MEGF6: variants seen among roughly 807,000 people sequenced by gnomAD.
MEGF6 encodes multiple epidermal growth factor-like domains protein 6.
Under a neutral mutation model 207.1 loss-of-function variants are expected in MEGF6, and 184 were observed. The ratio of observed to expected loss-of-function variants is 0.89; its 90% confidence interval spans 0.79 to 1.00. The LOEUF is 1.00. MEGF6 is among the 50% of genes least tolerant of loss of function. The probability of loss-of-function intolerance (pLI) is 0.00; values close to 1 mark genes in which losing one functional copy is unlikely to be tolerated. For missense variants in MEGF6, 2,282 were observed against 2,202.9 expected, an observed-to-expected ratio of 1.04 and a Z score of -0.72; for synonymous variants, 1,038 against 910.0, an observed-to-expected ratio of 1.14 and a Z score of -2.53.
chr1:3,529,402 C>A (rs1392147649), intron 4 of MEGF6, among the ~76,000 whole-genome samples: 1 of 152,226 alleles, frequency 6.6e-6, no homozygotes, highest in Non-Finnish European at 1.5e-5. Context: ...CCAGGCCAAG[C>A]CCCACACGGG....
At chr1:3,598,313 G>A (rs1305731197) in intron 2 of MEGF6, among the ~76,000 whole-genome samples, 2 of 152,216 alleles carry the variant, frequency 1.3e-5, no homozygotes, top group Non-Finnish European at 1.5e-5. Flanking sequence ...GCCAGTGGCC[G>A]GCCGGCGGGC....
intron 23 of MEGF6, 151 bp from the exon 24 acceptor site, chr1:3,499,417 G>A (rs1442634088): frequency 1.4e-6 from 2 of 1,406,448 alleles, no homozygotes; most frequent in East Asian, 2.5e-5. Context: ...CCACTCAGCA[G>A]AGTGGCCACA....
At chr1:3,590,527 A>G (rs574731853) in intron 3 of MEGF6, among the ~76,000 whole-genome samples, 6 of 152,216 alleles carry the variant, frequency 3.9e-5, no homozygotes, top group Non-Finnish European at 8.8e-5. Context: ...AGTGGCTCTC[A>G]GGGAAATCAT....
chr1:3,513,218 T>C (rs947813336), intron 7 of MEGF6, among the ~76,000 whole-genome samples: 2 of 152,102 alleles, frequency 1.3e-5, no homozygotes, highest in Non-Finnish European at 2.9e-5. Flanking sequence ...TATTTATTTA[T>C]TTATTTATTT....
intron 36 of MEGF6, 92 bp downstream of exon 36, chr1:3,490,820 T>G: frequency 6.8e-7 from 1 of 1,468,642 alleles, no homozygotes; most frequent in Non-Finnish European, 9.3e-7. Context: ...GCTGCTGCCC[T>G]GTGGGGCCCA....
intron 34 of MEGF6, 191 bp from the exon 35 acceptor site, chr1:3,492,958 A>G: frequency 8.7e-6 from 6 of 689,864 alleles, no homozygotes; most frequent in Non-Finnish European, 1.2e-5. Context: ...TGCCTTCCTC[A>G]GCTACATTCT....
At chr1:3,586,445 G>A (rs1249280114) in intron 3 of MEGF6, among the ~76,000 whole-genome samples, 1 of 152,194 alleles carries the variant, frequency 6.6e-6, no homozygotes, top group African/African-American at 2.4e-5. Flanking sequence ...CTGGTGGGCG[G>A]CGGGTGCAGA....
At chr1:3,506,792 A>ACTAG (rs1173057367) in intron 14 of MEGF6, among the ~76,000 whole-genome samples, 1 of 151,998 alleles carries the variant, frequency 6.6e-6, no homozygotes, top group East Asian at 1.9e-4. Flanking sequence ...GGACCTGGAG[A>ACTAG]CTAGGCACAG....
At chr1:3,496,287 A>T (rs1640603139) in intron 29 of MEGF6, among the ~76,000 whole-genome samples, 1 of 152,168 alleles carries the variant, frequency 6.6e-6, no homozygotes, top group South Asian at 2.1e-4. Flanking sequence ...CCAGAAGGGG[A>T]AAGTCCCTGC....
At position 3,488,138 on chromosome 1, in the gene MEGF6, T is replaced by G. The variant is rs147534634; in HGVS notation, c.*2390A>C. ...TATCCTCCTTCTTGCTGCTTGAAACTATATAATATATGGTCAGGAGTTTGT... is the reference window on the plus strand; with the variant it reads ...TATCCTCCTTCTTGCTGCTTGAAACGATATAATATATGGTCAGGAGTTTGT... On this transcript the variant is annotated 3_prime_UTR_variant, in exon 37 of 37. Coordinates refer to ENST00000356575, the MANE Select transcript of MEGF6 (RefSeq NM_001409.4). Among the ~76,000 whole-genome samples the G allele has an allele frequency of 1.5e-4, 23 of 152,344 alleles. No homozygotes were observed. Among genetic ancestry groups the G allele is most frequent in the Admixed American group, 1.0e-3 (16 of 15,304 alleles).
chr1:3,517,586 C>T (rs987730854), intron 5 of MEGF6, among the ~76,000 whole-genome samples: 4 of 152,240 alleles, frequency 2.6e-5, no homozygotes, highest in African/African-American at 9.6e-5. Flanking sequence ...GCCACCCCTG[C>T]GTGGCCAGTG....
At chr1:3,494,589 G>T in intron 31 of MEGF6, 24 bp downstream of exon 31, 1 of 1,559,612 alleles carries the variant, frequency 6.4e-7, no homozygotes. Flanking sequence ...GGATGCTGGG[G>T]TCCCGCTGGC....
At chr1:3,509,042 G>T (rs1408824134) in intron 12 of MEGF6, 33 bp downstream of exon 12, 2 of 1,502,238 alleles carry the variant, frequency 1.3e-6, no homozygotes, top group Middle Eastern at 1.8e-4. Flanking sequence ...GGCCCTGCGA[G>T]CAGGAGCCCC....
chr1:3,569,613 C>T (rs1643441641), intron 4 of MEGF6, among the ~76,000 whole-genome samples: 1 of 152,238 alleles, frequency 6.6e-6, no homozygotes, highest in Non-Finnish European at 1.5e-5. Flanking sequence ...GACTGGGGGG[C>T]CACGGGGTCT....
At chr1:3,497,171 G>T in intron 27 of MEGF6, 52 bp from the exon 28 acceptor site, 1 of 1,542,942 alleles carries the variant, frequency 6.5e-7, no homozygotes. Flanking sequence ...CAAGGAACAG[G>T]CAGCCTCTCT....
Position 3,511,633 on chromosome 1 carries a change from T to G in MEGF6, c.1031A>C (p.His344Pro). 1 of 1,611,842 alleles carries G rather than the reference T, an allele frequency of 6.2e-7. No homozygotes were observed. The highest frequency in any genetic ancestry group is 8.5e-7 in the Non-Finnish European group (1 of 1,179,316). ...SCEANNGGCS[H>P]GCSHTSAGPL... ...CCCAGCACTGGTGTGGCTGCAGCCA[T>G]GGGAGCAGCCGCCGTTGTTGGCCTC... The change falls in exon 9 of 37, where the codon CAT (histidine) becomes CCT (proline). Residue 344 changes from histidine to proline, a missense_variant. Transcript: ENST00000356575.
At chr1:3,516,308 G>A (rs1281032371) in intron 5 of MEGF6, among the ~76,000 whole-genome samples, 4 of 152,228 alleles carry the variant, frequency 2.6e-5, no homozygotes, top group South Asian at 2.1e-4. Context: ...TGCCAAAAGC[G>A]GTAGCCAGCC....
intron 5 of MEGF6, among the ~76,000 whole-genome samples, chr1:3,523,879 G>A (rs1456100464): frequency 1.3e-5 from 2 of 152,258 alleles, no homozygotes; most frequent in Non-Finnish European, 2.9e-5. Flanking sequence ...TGTGGCTGCA[G>A]AGGGTCTGCA....
chr1:3,499,669 A>G lies in MEGF6; in HGVS notation c.2884T>C (p.Cys962Arg). ...FGLDCRSACN[C>R]TAGAACDAVN... is the part of the protein sequence containing the mutation. Reference sequence around the variant, plus strand: ...GCATCACAGGCAGCTCCGGCGGTGCAGTTGCAGGCACTGCGACAGTCCAAT... The same window carrying G: ...GCATCACAGGCAGCTCCGGCGGTGCGGTTGCAGGCACTGCGACAGTCCAAT... Residue 962 changes from cysteine (C) to arginine (R), a missense_variant, in exon 23 of 37, where the codon TGC becomes CGC. By Grantham distance (180) the Cys-to-Arg change is radical. Transcript: ENST00000356575. 1 of 1,599,444 alleles carries G rather than the reference A, an allele frequency of 6.3e-7. No individual in the cohort carries two copies. The highest frequency in any genetic ancestry group is 8.5e-7 in the Non-Finnish European group (1 of 1,174,172).
Sources: gnomAD v4.1 joint callset for allele counts (sites outside exome capture counted in the v4.1 genomes callset) on GRCh38, gnomAD v4.1.1 for gene constraint, MANE v1.5 for transcripts, NCBI Gene and HGNC (gene_info 2026-07-23, HGNC 2026-07-21) for gene names.